RABGAP1: variants seen among roughly 807,000 people sequenced by gnomAD.
RABGAP1 encodes RAB GTPase activating protein 1, also known as rab GTPase-activating protein 1.
In RABGAP1, 23 loss-of-function variants were observed where a neutral mutation model predicts 137.6. The ratio of observed to expected loss-of-function variants is 0.17; its 90% CI spans 0.12 to 0.24. The LOEUF (loss-of-function observed/expected upper bound fraction) is 0.24, where lower values mean the gene tolerates loss of function less well. Among genes scored for constraint, RABGAP1 ranks in the 10% least tolerant of loss-of-function variants. RABGAP1 has a pLI of 1.00. For missense variants in RABGAP1, 906 were observed against 1,275.8 expected (o/e 0.71, Z 4.42); for synonymous variants, 451 against 450.7 (o/e 1.00, Z -0.01).
intron 19 of RABGAP1, among the ~76,000 whole-genome samples, chr9:123,077,846 C>T (rs2034571428): frequency 6.6e-6 from 1 of 152,016 alleles, no homozygotes; most frequent in African/African-American, 2.4e-5. Flanking sequence ...TATTTTACTT[C>T]TCATTCTGGT....
intron 10 of RABGAP1, among the ~76,000 whole-genome samples, chr9:123,005,534 C>T (rs1298854700): frequency 6.6e-6 from 1 of 152,070 alleles, no homozygotes; most frequent in Non-Finnish European, 1.5e-5. Context: ...CTATACATTG[C>T]TTTTTAAACT....
Position 123,015,642 on chromosome 9 carries a change from T to G in RABGAP1, c.1643+6T>G. ...GGAGAACTGTTGTCAAAATGGTAAG[T>G]TATGATAGAATAGTTTTTTTTATCT... On this transcript the variant is annotated splice_donor_region_variant and intron_variant, in intron 12 of 25. Coordinates refer to ENST00000373647, the MANE Select transcript of RABGAP1 (RefSeq NM_012197.4). 6.3e-7 allele frequency: 1 copy of G among 1,589,868 alleles called. No homozygotes were observed. Among genetic ancestry groups the G allele is most frequent in the Non-Finnish European group, 8.6e-7 (1 of 1,160,042 alleles).
chr9:122,967,026 C>T (rs1252032069), intron 2 of RABGAP1, among the ~76,000 whole-genome samples: 1 of 152,092 alleles, frequency 6.6e-6, no homozygotes, highest in African/African-American at 2.4e-5. Context: ...GGGGGAGTTA[C>T]AATTCAAAAT....
chr9:123,044,616 AAC>A (rs553750206), intron 13 of RABGAP1, among the ~76,000 whole-genome samples: 117 of 136,848 alleles, frequency 8.5e-4, no homozygotes, highest in Non-Finnish European at 1.3e-3. Flanking sequence ...AATATAGGAA[AAC>A]ACACGTACGT....
chr9:122,945,686 A>G (rs1833910261), intron 1 of RABGAP1, among the ~76,000 whole-genome samples: 1 of 152,146 alleles, frequency 6.6e-6, no homozygotes, highest in South Asian at 2.1e-4. Context: ...TGTGTTATAA[A>G]CTACTACTCC....
intron 19 of RABGAP1, among the ~76,000 whole-genome samples, chr9:123,081,034 C>A (rs908245248): frequency 5.3e-5 from 8 of 152,200 alleles, no homozygotes; most frequent in African/African-American, 1.9e-4. Flanking sequence ...TCCTCCTCCT[C>A]CTCAGCCTAC....
intron 1 of RABGAP1, chr9:122,945,877 GTAAC>G (rs1473683405): frequency 2.6e-5 from 4 of 151,924 alleles, no homozygotes; most frequent in South Asian, 2.1e-4. Context: ...ATGCATTTTG[GTAAC>G]TAACCAACAA....
chr9:123,073,933 A>G (rs1490053495), intron 16 of RABGAP1, among the ~76,000 whole-genome samples: 1 of 152,210 alleles, frequency 6.6e-6, no homozygotes, highest in Non-Finnish European at 1.5e-5. Context: ...TTCCACAGCT[A>G]ACTCAGTCAA....
At chr9:122,961,029 A>C (rs1456120068) in intron 2 of RABGAP1, among the ~76,000 whole-genome samples, 1 of 152,178 alleles carries the variant, frequency 6.6e-6, no homozygotes, top group African/African-American at 2.4e-5. Flanking sequence ...AAATATGGGA[A>C]ACTATTAAGT....
chr9:122,984,551 A>G lies in RABGAP1; in HGVS notation c.217A>G (p.Met73Val), dbSNP rs139609845. The G allele has an allele frequency of 2.7e-4, 442 of 1,614,074 alleles. 1 individual carries two copies. The highest frequency in any genetic ancestry group is 3.5e-4 in the Non-Finnish European group (410 of 1,180,028). ...ELADVLMDPP[M>V]DDQPGEKELV... The stretch of plus-strand genomic sequence containing the variant: ...AGCAGATGTACTGATGGATCCTCCA[A>G]TGGACGACCAGCCAGGGGAAAAGGA... The change falls in exon 3 of 26, where the codon ATG (methionine) becomes GTG (valine). Residue 73 changes from methionine to valine, a missense_variant. This residue lies in a region of RABGAP1 where 331 missense variants were observed against 358.3 expected (regional missense o/e 0.92). Transcript: ENST00000373647.
chr9:122,990,770 A>AAG (rs1491351268), intron 6 of RABGAP1: 1 of 11,978 alleles, frequency 8.3e-5, no homozygotes, highest in African/African-American at 2.5e-4. Flanking sequence ...ACTCCGTCTC[A>AAG]AAAAAAAAAA....
chr9:123,038,623 A>G (rs898060516), intron 13 of RABGAP1, among the ~76,000 whole-genome samples: 1 of 152,134 alleles, frequency 6.6e-6, no homozygotes, highest in African/African-American at 2.4e-5. Flanking sequence ...AAATTTTGGG[A>G]AATTTAAGAA....
chr9:123,035,736 T>G (rs1267923818), intron 13 of RABGAP1: 1 of 656,692 alleles, frequency 1.5e-6, no homozygotes, highest in Non-Finnish European at 2.5e-6. Context: ...CAGAATACTT[T>G]GACTCTAAAC....
chr9:122,953,997 T>G (rs762742807), intron 1 of RABGAP1, among the ~76,000 whole-genome samples: 25 of 152,170 alleles, frequency 1.6e-4, no homozygotes, highest in Non-Finnish European at 2.9e-4. Flanking sequence ...ATTACCAAAA[T>G]ATATGTCAAG....
At chr9:122,970,746 CT>C (rs1835426324) in intron 2 of RABGAP1, among the ~76,000 whole-genome samples, 1 of 152,158 alleles carries the variant, frequency 6.6e-6, no homozygotes, top group African/African-American at 2.4e-5. Flanking sequence ...AGTTGAGTGT[CT>C]TGTTGAAAGG....
At chr9:123,034,473 T>G (rs2032498084) in intron 13 of RABGAP1, 1 of 771,210 alleles carries the variant, frequency 1.3e-6, no homozygotes, top group South Asian at 1.7e-5. Context: ...ATTACACACA[T>G]GCAAAGCTGA....
chr9:122,999,460 G>C (rs1837213427), intron 10 of RABGAP1, among the ~76,000 whole-genome samples: 1 of 151,904 alleles, frequency 6.6e-6, no homozygotes, highest in South Asian at 2.1e-4. Context: ...CAAAGTCCTG[G>C]GATTACAGAC....
upstream of RABGAP1, chr9:122,939,659 C>T (rs1301814517): frequency 6.6e-6 from 1 of 152,054 alleles, no homozygotes; most frequent in African/African-American, 2.4e-5. Context: ...GTATGGGCAC[C>T]AAAACGTTAA....
At chr9:122,989,088 G>A (rs1836524555) in intron 4 of RABGAP1, among the ~76,000 whole-genome samples, 1 of 151,996 alleles carries the variant, frequency 6.6e-6, no homozygotes, top group African/African-American at 2.4e-5. Flanking sequence ...CCTAAAACAT[G>A]ATACTATATG....
Sources: allele counts gnomAD v4.1 joint callset (sites outside exome capture counted in the v4.1 genomes callset), GRCh38; gene constraint gnomAD v4.1.1; regional missense constraint gnomAD v4.1.1; transcripts MANE v1.5; gene names NCBI Gene and HGNC (gene_info 2026-07-23, HGNC 2026-07-21).